The following ANO5 variants were observed in gnomAD, a reference collection of about 807,000 sequenced individuals.
ANO5 encodes the protein anoctamin-5.
ANO5 carries 109 observed loss-of-function variants against 121.0 expected under a neutral mutation model. The ratio of observed to expected loss-of-function variants is 0.90; its 90% CI spans 0.77 to 1.06. The LOEUF is 1.06. Ranked by LOEUF, ANO5 falls within the 50% of genes least tolerant of loss-of-function variation. The pLI is 0.00. For missense variants in ANO5, 1,064 were observed against 1,078.5 expected (o/e 0.99, Z 0.19); for synonymous variants, 406 against 359.9 (o/e 1.13, Z -1.45).
chr11:22,225,024 A>AG (rs1325447251), intron 5 of ANO5, among the ~76,000 whole-genome samples: 1 of 152,020 alleles, frequency 6.6e-6, no homozygotes, highest in Non-Finnish European at 1.5e-5. Context: ...AGGGAGATAA[A>AG]GGGGGAAAAA....
intron 1 of ANO5, among the ~76,000 whole-genome samples, chr11:22,202,361 T>C (rs562089007): frequency 8.7e-4 from 133 of 152,264 alleles, no homozygotes; most frequent in African/African-American, 3.1e-3. Flanking sequence ...TGGGCTTAAT[T>C]ATTTAAGAGA....
At chr11:22,250,926 G>A (rs1427140061) in intron 11 of ANO5, 25 bp from the exon 12 acceptor site, 2 of 1,609,596 alleles carry the variant, frequency 1.2e-6, no homozygotes, top group African/African-American at 2.7e-5. Flanking sequence ...TTATCTTTGT[G>A]ATATTGTTAT....
At chr11:22,246,327 A>G (rs1160903703) in intron 9 of ANO5, among the ~76,000 whole-genome samples, 1 of 151,982 alleles carries the variant, frequency 6.6e-6, no homozygotes, top group Admixed American at 6.6e-5. Flanking sequence ...ACCCTACTTT[A>G]CATTTTTCCC....
chr11:22,243,564 T>G (rs1262530121), intron 9 of ANO5, among the ~76,000 whole-genome samples: 1 of 152,042 alleles, frequency 6.6e-6, no homozygotes, highest in East Asian at 1.9e-4. Flanking sequence ...ATTTTTTGAT[T>G]GGTAGATTTT....
At chr11:22,266,993 G>A (rs4497412) in intron 17 of ANO5, among the ~76,000 whole-genome samples, 125,862 of 152,178 alleles carry the variant, frequency 0.83, 52,598 homozygotes, top group African/African-American at 0.93. Flanking sequence ...TAACTTTAAT[G>A]TGGTAGAATT....
At chr11:22,273,177 G>C (rs1854692311) in intron 19 of ANO5, among the ~76,000 whole-genome samples, 188 bp downstream of exon 19, 1 of 151,920 alleles carries the variant, frequency 6.6e-6, no homozygotes, top group East Asian at 1.9e-4. Flanking sequence ...GAAATACAAG[G>C]ACAATTATAA....
intron 2 of ANO5, among the ~76,000 whole-genome samples, chr11:22,208,273 C>G (rs1649727786): frequency 6.6e-6 from 1 of 152,006 alleles, no homozygotes; most frequent in African/African-American, 2.4e-5. Flanking sequence ...AAAGTGGAAA[C>G]AACCTAAGTG....
At chr11:22,214,315 G>A (rs1473544503) in intron 3 of ANO5, among the ~76,000 whole-genome samples, 1 of 151,766 alleles carries the variant, frequency 6.6e-6, no homozygotes, top group East Asian at 1.9e-4. Flanking sequence ...AATTCATTTT[G>A]TACATTTCCT....
In ANO5 at chr11:22,280,433, GATA is replaced by G. The variant is rs1855038166; in HGVS notation, c.*674_*676del. 6.6e-6 allele frequency: 1 copy of G among 151,788 alleles called. No individual in the cohort carries two copies. The highest frequency in any genetic ancestry group is 6.6e-5 in the Admixed American group (1 of 15,210). The allele number at this position is 151,788 out of a possible 1,614,324, so 9.4% of individuals were successfully genotyped here. A position where few individuals can be genotyped will look rare whatever the true frequency, so the allele number is the denominator to read the frequency against. ...AACATAAAACAACTTGGTTCTTAGA[GATA>G]ATAATTTGGTTATAATAGTTTCAAG... On this transcript the variant is annotated 3_prime_UTR_variant, in exon 22 of 22. Coordinates refer to ENST00000324559, the MANE Select transcript of ANO5 (RefSeq NM_213599.3).
chr11:22,205,521 T>A (rs530935366), intron 2 of ANO5, among the ~76,000 whole-genome samples: 1 of 146,920 alleles, frequency 6.8e-6, no homozygotes, highest in Non-Finnish European at 1.5e-5. Context: ...TGTAGACTCT[T>A]GGGCCCAGGC....
chr11:22,268,727 T>A lies in ANO5; in HGVS notation c.1899-1585T>A, dbSNP rs573643275. Among the ~76,000 whole-genome samples, 4 of 152,356 alleles carry A rather than the reference T, an allele frequency of 2.6e-5. No individual in the cohort carries two copies. In the South Asian group the frequency reaches 6.2e-4, roughly 24 times the overall value. Reference sequence around the variant, plus strand: ...TCAGACTTTTCCCAAGTAAGAATGCTGTTTGCAGCCTGGTGCATTGGCTCA... The same window carrying A: ...TCAGACTTTTCCCAAGTAAGAATGCAGTTTGCAGCCTGGTGCATTGGCTCA... On this transcript the variant is annotated intron_variant, in intron 17 of 21. Transcript: ENST00000324559.
At position 22,280,087 on chromosome 11, in the gene ANO5, G is replaced by T; in HGVS notation, c.*322G>T. On this transcript the variant is annotated 3_prime_UTR_variant, in exon 22 of 22. Transcript: ENST00000324559. ...AGTTTAGTAAGAAACACTGGCCTTGGGCTGTCCCATCACTTTCCAGTGCAT... is the reference window on the plus strand; with the variant it reads ...AGTTTAGTAAGAAACACTGGCCTTGTGCTGTCCCATCACTTTCCAGTGCAT... The T allele has an allele frequency of 3.5e-6, 1 of 289,386 alleles. No homozygotes were observed. Among genetic ancestry groups the T allele is most frequent in the Non-Finnish European group, 6.5e-6 (1 of 153,804 alleles). 17.9% of individuals were successfully genotyped at this position (289,386 alleles called of 1,614,324 possible).
Position 22,255,532 on chromosome 11 carries a change from A to G in ANO5, c.1332+10A>G. On this transcript the variant is annotated intron_variant, in intron 13 of 21. Transcript: ENST00000324559. ...GAATGCAGTGACTAAGGTAGACTAGAAAACTGTGAAACGGACAGCATATCT... is the reference window on the plus strand; with the variant it reads ...GAATGCAGTGACTAAGGTAGACTAGGAAACTGTGAAACGGACAGCATATCT... 1.9e-6 allele frequency: 3 copies of G among 1,612,488 alleles called. No homozygotes were observed. The highest frequency in any genetic ancestry group is 4.5e-5 in the East Asian group (2 of 44,828).
rs1054023867 is a variant in ANO5, at chr11:22,264,310, C to G, written c.1898+1267C>G. Reference sequence around the variant, plus strand: ...AAAGTGCTGGGATTACAGGCGTAAGCCACCATGCCTGGCCCCCAAACTTTT... The same window carrying G: ...AAAGTGCTGGGATTACAGGCGTAAGGCACCATGCCTGGCCCCCAAACTTTT... On this transcript the variant is annotated intron_variant, in intron 17 of 21. Coordinates refer to ENST00000324559, the MANE Select transcript of ANO5 (RefSeq NM_213599.3). 2.4e-4 allele frequency among the ~76,000 whole-genome samples: 37 copies of G among 152,046 alleles called. 2 individuals carry two copies.
In ANO5 at chr11:22,211,440, A is replaced by G. The variant is rs1852273351; in HGVS notation, c.138+126A>G. 3 of 1,167,362 alleles carry G rather than the reference A, an allele frequency of 2.6e-6. No individual in the cohort carries two copies. In the South Asian group the frequency reaches 3.8e-5, roughly 15 times the overall value. The allele number at this position is 1,167,362 out of a possible 1,614,324, so 72.3% of individuals were successfully genotyped here. A position where few individuals can be genotyped will look rare whatever the true frequency, so the allele number is the denominator to read the frequency against. On this transcript the variant is annotated intron_variant, in intron 3 of 21. Transcript: ENST00000324559. ...ATGCTCTCATACATGGTATTTGAGA[A>G]TATATTACTTTAGAAAAAAAAAATC...
intron 1 of ANO5, among the ~76,000 whole-genome samples, chr11:22,199,868 C>A (rs1851914443): frequency 6.6e-6 from 1 of 151,976 alleles, no homozygotes; most frequent in South Asian, 2.1e-4. Context: ...TGATTTGCCC[C>A]CAAATTCAAC....
intron 1 of ANO5, among the ~76,000 whole-genome samples, chr11:22,195,901 A>G (rs4589299): frequency 0.83 from 125,650 of 152,148 alleles, 52,398 homozygotes; most frequent in African/African-American, 0.93. Flanking sequence ...CTGTATCTAG[A>G]TATATTCAAA....
At chr11:22,271,424 C>T (rs1431876147) in intron 18 of ANO5, among the ~76,000 whole-genome samples, 4 of 152,166 alleles carry the variant, frequency 2.6e-5, no homozygotes, top group Non-Finnish European at 5.9e-5. Context: ...ATTCTTCATA[C>T]TTCTCCAGTG....
chr11:22,275,066 C>T (rs1202442602), intron 20 of ANO5, among the ~76,000 whole-genome samples: 1 of 151,812 alleles, frequency 6.6e-6, no homozygotes, highest in African/African-American at 2.4e-5. Context: ...CCCCTTAGTC[C>T]AAAGCTGCAA....
Sources: allele counts gnomAD v4.1 joint callset (sites outside exome capture counted in the v4.1 genomes callset), GRCh38; gene constraint gnomAD v4.1.1; transcripts MANE v1.5; gene names NCBI Gene and HGNC (gene_info 2026-07-23, HGNC 2026-07-21).